The following DNAH11 variants were observed in gnomAD, a reference collection of about 807,000 sequenced individuals.
The protein encoded by DNAH11 is axonemal beta dynein heavy chain 11.
Under a neutral mutation model 526.0 loss-of-function variants are expected in DNAH11, and 442 were observed. That is an observed-to-expected ratio of 0.84 (90% CI 0.78 to 0.91). The LOEUF is 0.91. DNAH11 is among the 40% of genes least tolerant of loss of function. The pLI is 0.00. For synonymous variants in DNAH11, 2,461 were observed against 1,935.9 expected, an observed-to-expected ratio of 1.27 and a Z score of -7.12; for missense variants, 6,989 against 5,448.7, an observed-to-expected ratio of 1.28 and a Z score of -8.90.
Position 21,621,751 on chromosome 7 carries a change from G to A in DNAH11, c.4500+1673G>A, listed in dbSNP as rs1351450776. Among the ~76,000 whole-genome samples, 5 of 152,014 alleles carry A rather than the reference G, an allele frequency of 3.3e-5. No individual in the cohort carries two copies. In the East Asian group the frequency reaches 9.6e-4, roughly 29 times the overall value. ...TGATTATCTCAATAGATGCAGAAAA[G>A]GCCTTTGACAAAATTCAACAACCTT... On this transcript the variant is annotated intron_variant, in intron 25 of 81. Transcript: ENST00000409508.
At chr7:21,643,796 ACT>A (rs1232913513) in intron 28 of DNAH11, among the ~76,000 whole-genome samples, 6 of 152,174 alleles carry the variant, frequency 3.9e-5, no homozygotes, top group Non-Finnish European at 7.4e-5. Context: ...GGTTTCAAAG[ACT>A]TGCTGCAAAT....
At chr7:21,690,651 T>G (rs1446707542) in intron 34 of DNAH11, 114 bp from the exon 35 acceptor site, 1 of 732,090 alleles carries the variant, frequency 1.4e-6, no homozygotes, top group Non-Finnish European at 2.3e-6. Context: ...TAAAGAAAAT[T>G]ACACAGAATA....
At chr7:21,646,450 C>T (rs1193718204) in intron 28 of DNAH11, among the ~76,000 whole-genome samples, 1 of 152,126 alleles carries the variant, frequency 6.6e-6, no homozygotes, top group Non-Finnish European at 1.5e-5. Context: ...GAGAGAGTTT[C>T]CAGGCCATAG....
intron 1 of DNAH11, 144 bp downstream of exon 1, chr7:21,543,740 C>T (rs895182710): frequency 2.5e-6 from 2 of 809,454 alleles, no homozygotes; most frequent in South Asian, 3.6e-5. Flanking sequence ...CTGAGGCCCG[C>T]AGGACTCCTC....
At chr7:21,644,432 C>T (rs1171862315) in intron 28 of DNAH11, among the ~76,000 whole-genome samples, 2 of 152,056 alleles carry the variant, frequency 1.3e-5, no homozygotes, top group Admixed American at 6.6e-5. Context: ...GAAAAAGACT[C>T]AATACGTGCA....
In DNAH11 at chr7:21,876,176, C is replaced by G. The variant is rs189364743; in HGVS notation, c.12195+2675C>G. Reference sequence around the variant, plus strand: ...GGGATTACAGGCGTGAGCCACCGCACCTGGCCCAAGGAAGAATATTGCTTA... The same window carrying G: ...GGGATTACAGGCGTGAGCCACCGCAGCTGGCCCAAGGAAGAATATTGCTTA... On this transcript the variant is annotated intron_variant, in intron 74 of 81. Transcript: ENST00000409508. Among the ~76,000 whole-genome samples the G allele has an allele frequency of 3.3e-5, 5 of 152,274 alleles. No homozygotes were observed. In the East Asian group the frequency reaches 7.8e-4, roughly 24 times the overall value.
At chr7:21,682,212 A>G (rs893236085) in intron 31 of DNAH11, among the ~76,000 whole-genome samples, 1 of 152,194 alleles carries the variant, frequency 6.6e-6, no homozygotes, top group Non-Finnish European at 1.5e-5. Context: ...TTAGTATACT[A>G]ATAACCTTTC....
Position 21,791,860 on chromosome 7 carries a change from TAGTC to T in DNAH11, c.10026+2519_10026+2522del, listed in dbSNP as rs1373069134. Among the ~76,000 whole-genome samples the T allele has an allele frequency of 5.9e-5, 9 of 152,208 alleles. No homozygotes were observed. In the East Asian group the frequency reaches 1.7e-3, roughly 29 times the overall value. The stretch of plus-strand genomic sequence containing the variant: ...ATATAGTTGGGAATGGTTGGTGTGT[TAGTC>T]TGTTCTCACATTGCTATAAAGAAAT... On this transcript the variant is annotated intron_variant, in intron 61 of 81. Transcript: ENST00000409508.
At chr7:21,640,822 G>C (rs1469654283) in intron 28 of DNAH11, among the ~76,000 whole-genome samples, 1 of 152,124 alleles carries the variant, frequency 6.6e-6, no homozygotes, top group Non-Finnish European at 1.5e-5. Context: ...TAATAACTTG[G>C]TGTTGGGAGG....
chr7:21,698,332 TA>T (rs532541747), intron 36 of DNAH11, 119 bp downstream of exon 36: 6 of 1,398,092 alleles, frequency 4.3e-6, no homozygotes, highest in Non-Finnish European at 5.8e-6. Context: ...TTTTTGTACT[TA>T]AAAAAATTCA....
chr7:21,545,891 G>C (rs928886764), intron 2 of DNAH11, among the ~76,000 whole-genome samples: 1 of 152,132 alleles, frequency 6.6e-6, no homozygotes, highest in Non-Finnish European at 1.5e-5. Context: ...CTCAAACTTC[G>C]CTGAACATTA....
chr7:21,608,805 T>C (rs1352292858), intron 20 of DNAH11, among the ~76,000 whole-genome samples: 1 of 148,908 alleles, frequency 6.7e-6, no homozygotes, highest in South Asian at 2.2e-4. Flanking sequence ...TGCTATACTA[T>C]AACAGCATGT....
At chr7:21,612,728 A>G (rs528900067) in intron 20 of DNAH11, among the ~76,000 whole-genome samples, 9 of 152,288 alleles carry the variant, frequency 5.9e-5, no homozygotes, top group African/African-American at 2.2e-4. Context: ...GCATAGTATG[A>G]GAAAGGAAAA....
At chr7:21,597,054 G>C (rs1227784482) in intron 14 of DNAH11, among the ~76,000 whole-genome samples, 7 of 152,158 alleles carry the variant, frequency 4.6e-5, no homozygotes, top group African/African-American at 1.7e-4. Flanking sequence ...ATGTTTTCTG[G>C]CTGGTGGCAT....
intron 79 of DNAH11, 81 bp from the exon 80 acceptor site, chr7:21,899,255 C>T (rs766350919): frequency 2.3e-5 from 26 of 1,147,562 alleles, no homozygotes; most frequent in African/African-American, 1.1e-4. Flanking sequence ...CCACCCTGCC[C>T]TAACCGCCCA....
chr7:21,777,779 C>T (rs978754534), intron 56 of DNAH11, among the ~76,000 whole-genome samples: 1 of 152,074 alleles, frequency 6.6e-6, no homozygotes, highest in Non-Finnish European at 1.5e-5. Flanking sequence ...TCAGTCATAG[C>T]TTAATCTATA....
intron 69 of DNAH11, among the ~76,000 whole-genome samples, chr7:21,862,485 C>T (rs774524281): frequency 2.1e-4 from 32 of 151,894 alleles, no homozygotes; most frequent in South Asian, 1.0e-3. Context: ...TAATTAATAA[C>T]GCATATTTTT....
intron 64 of DNAH11, 47 bp downstream of exon 64, chr7:21,816,749 G>A: frequency 6.5e-7 from 1 of 1,531,324 alleles, no homozygotes; most frequent in South Asian, 1.2e-5. Flanking sequence ...CTGCTGTGAA[G>A]TGGGTCTGAT....
At chr7:21,659,926 C>T (rs540183170) in intron 30 of DNAH11, among the ~76,000 whole-genome samples, 62 of 152,180 alleles carry the variant, frequency 4.1e-4, no homozygotes, top group South Asian at 2.3e-3. Context: ...TCTTGCATAG[C>T]GACCACCCAA....
Sources: gnomAD v4.1 joint callset for allele counts (sites outside exome capture counted in the v4.1 genomes callset) on GRCh38, gnomAD v4.1.1 for gene constraint, MANE v1.5 for transcripts, NCBI Gene and HGNC (gene_info 2026-07-23, HGNC 2026-07-21) for gene names.